The following C1QL1 variants were observed in gnomAD, a reference collection of about 807,000 sequenced individuals.
The protein encoded by C1QL1 is complement C1q like 1.
In C1QL1, 15 loss-of-function variants were observed where a neutral mutation model predicts 14.2. The ratio of observed to expected loss-of-function variants is 1.06; its 90% CI spans 0.71 to 1.62. The LOEUF is 1.62. Ranked by LOEUF, C1QL1 falls within the 40% of genes most tolerant of loss-of-function variation. The probability of loss-of-function intolerance (pLI) is 0.00; values close to 1 mark genes in which losing one functional copy is unlikely to be tolerated. For synonymous variants in C1QL1, 172 were observed against 172.4 expected, an observed-to-expected ratio of 1.00 and a Z score of 0.02; for missense variants, 346 against 380.3, an observed-to-expected ratio of 0.91 and a Z score of 0.75.
Position 44,968,004 on chromosome 17 carries a change from C to CGA in C1QL1, c.43_44dup (p.Gly16ArgfsTer38). On this transcript the variant is annotated frameshift_variant, in exon 1 of 2. Coordinates refer to ENST00000253407, the MANE Select transcript of C1QL1 (RefSeq NM_006688.5). LOFTEE classifies it high-confidence loss of function. Reference sequence around the variant, plus strand: ...TCTCATAGTGGCCTTCCGGGCCGCCCGAGCTCACCAGCACGGGGATGAGCA... The same window carrying CGA: ...TCTCATAGTGGCCTTCCGGGCCGCCCGAGAGCTCACCAGCACGGGGATGAGCA... The CGA allele has an allele frequency of 1.4e-6, 2 of 1,389,204 alleles. No individual in the cohort carries two copies. Among genetic ancestry groups the CGA allele is most frequent in the Non-Finnish European group, 1.9e-6 (2 of 1,067,514 alleles). The allele number at this position is 1,389,204 out of a possible 1,614,324, so 86.1% of individuals were successfully genotyped here. A position where few individuals can be genotyped will look rare whatever the true frequency, so the allele number is the denominator to read the frequency against.
Position 44,967,820 on chromosome 17 carries a change from T to C in C1QL1, c.229A>G (p.Lys77Glu), listed in dbSNP as rs2052666211. Reference protein sequence around the residue: ...GPQGKPGRTGKPGPPGPPGDP... With the variant: ...GPQGKPGRTGEPGPPGPPGDP... ...CCGGGAGGCCCCGGAGGGCCGGGCT[T>C]GCCGGTGCGGCCCGGCTTCCCCTGG... Residue 77 changes from lysine to glutamate, a missense_variant, in exon 1 of 2, where the codon AAG becomes GAG. Transcript: ENST00000253407. The surrounding 1 kb of genome is among the most constrained non-coding windows in gnomAD (Gnocchi z 7.0). The C allele has an allele frequency of 7.1e-7, 1 of 1,400,634 alleles. No homozygotes were observed. The highest frequency in any genetic ancestry group is 2.9e-5 in the East Asian group (1 of 34,416). 86.8% of individuals were successfully genotyped at this position (1,400,634 alleles called of 1,614,324 possible).
chr17:44,960,149 G>A lies in C1QL1; in HGVS notation c.*39C>T. ...GTCTGCCCCGCCCGGAGGGGACCCC[G>A]GCGGGTGAGGGACGTGGGTGGAGGG... On this transcript the variant is annotated 3_prime_UTR_variant, in exon 2 of 2. Transcript: ENST00000253407. The A allele has an allele frequency of 6.3e-7, 1 of 1,595,674 alleles. No homozygotes were observed. The highest frequency in any genetic ancestry group is 1.1e-5 in the South Asian group (1 of 90,172).
Position 44,968,129 on chromosome 17 carries a change from T to A in C1QL1, c.-81A>T, listed in dbSNP as rs2052669164. 1.1e-6 allele frequency: 1 copy of A among 928,910 alleles called. No individual in the cohort carries two copies. Among genetic ancestry groups the A allele is most frequent in the South Asian group, 5.1e-5 (1 of 19,580 alleles). The allele number at this position is 928,910 out of a possible 1,614,324, so 57.5% of individuals were successfully genotyped here. ...AGCGCCGGGCCGCCCGGCCGCGCCG[T>A]CGGGGCAATGGTGCCGGCGGGCAGG... On this transcript the variant is annotated 5_prime_UTR_variant, in exon 1 of 2. Coordinates refer to ENST00000253407, the MANE Select transcript of C1QL1 (RefSeq NM_006688.5).
At chr17:44,961,811 G>A (rs534929163) in intron 1 of C1QL1, among the ~76,000 whole-genome samples, 3 of 150,748 alleles carry the variant, frequency 2.0e-5, no homozygotes, top group South Asian at 4.2e-4. Context: ...GCGTGAACCC[G>A]GGAAGCGGAG....
Position 44,967,654 on chromosome 17 carries a change from A to G in C1QL1, c.395T>C (p.Phe132Ser). 1 of 1,613,630 alleles carries G rather than the reference A, an allele frequency of 6.2e-7. No individual in the cohort carries two copies. The highest frequency in any genetic ancestry group is 8.5e-7 in the Non-Finnish European group (1 of 1,179,860). ...GTGGGGGTTCTTGAGGCCGGCGTAGAAGGCCACGCGCGGCACCGTGGTGTA... is the reference window on the plus strand; with the variant it reads ...GTGGGGGTTCTTGAGGCCGGCGTAGGAGGCCACGCGCGGCACCGTGGTGTA... ...ATYTTVPRVA[F>S]YAGLKNPHEG... The change falls in exon 1 of 2, where the codon TTC becomes TCC. Residue 132 changes from phenylalanine to serine, a missense_variant. Physicochemically the swap from Phe to Ser is radical, Grantham distance 155 (BLOSUM62 -2). Transcript: ENST00000253407. The surrounding 1 kb of genome is among the most constrained non-coding windows in gnomAD (Gnocchi z 7.0).
At chr17:44,966,125 A>G (rs2052656261) in intron 1 of C1QL1, among the ~76,000 whole-genome samples, 1 of 152,236 alleles carries the variant, frequency 6.6e-6, no homozygotes, top group Non-Finnish European at 1.5e-5. Flanking sequence ...AGAGATGGAC[A>G]AGAAACAGCA....
chr17:44,961,061 C>T (rs2052624876), intron 1 of C1QL1, among the ~76,000 whole-genome samples: 1 of 152,236 alleles, frequency 6.6e-6, no homozygotes, highest in African/African-American at 2.4e-5. Flanking sequence ...TCACTACCCA[C>T]CCAAAGAGGA....
intron 1 of C1QL1, among the ~76,000 whole-genome samples, chr17:44,965,172 C>A (rs1301440892): frequency 6.6e-6 from 1 of 152,192 alleles, no homozygotes; most frequent in Non-Finnish European, 1.5e-5. Flanking sequence ...GCCACCACGC[C>A]CAGCTAATTT....
In C1QL1 at chr17:44,960,351, A is replaced by G; in HGVS notation, c.614T>C (p.Ile205Thr). ...CKNGQVRASAIAQDADQNYDY... is the reference protein window; with the variant it reads ...CKNGQVRASATAQDADQNYDY... ...GTAGTTCTGGTCCGCGTCCTGGGCA[A>G]TAGCACTGGCCCGCACCTGCGGGTG... The change falls in exon 2 of 2, where the codon ATT becomes ACT. Residue 205 changes from isoleucine (I) to threonine (T), a missense_variant. Coordinates refer to ENST00000253407, the MANE Select transcript of C1QL1 (RefSeq NM_006688.5). 2 of 1,613,698 alleles carry G rather than the reference A, an allele frequency of 1.2e-6. No individual in the cohort carries two copies. Among genetic ancestry groups the G allele is most frequent in the Non-Finnish European group, 1.7e-6 (2 of 1,179,946 alleles).
intron 1 of C1QL1, among the ~76,000 whole-genome samples, chr17:44,963,005 GGAGACAGTT>G (rs2052636213): frequency 6.6e-6 from 1 of 152,216 alleles, no homozygotes; most frequent in South Asian, 2.1e-4. Flanking sequence ...CTGCCTGACT[GGAGACAGTT>G]GAGGCCTGCA....
rs1363667731 is a variant in C1QL1, at chr17:44,967,429, C to T, written c.597+23G>A. Reference sequence around the variant, plus strand: ...CCTGGGTGCCCTGGGCCCAGCCCAGCCCCATGCCCCCGCCTGGCCCACCTG... The same window carrying T: ...CCTGGGTGCCCTGGGCCCAGCCCAGTCCCATGCCCCCGCCTGGCCCACCTG... On this transcript the variant is annotated intron_variant, in intron 1 of 1. Coordinates refer to ENST00000253407, the MANE Select transcript of C1QL1 (RefSeq NM_006688.5). The surrounding 1 kb of genome is among the most constrained non-coding windows in gnomAD (Gnocchi z 7.0). The T allele has an allele frequency of 1.4e-5, 22 of 1,608,594 alleles. No individual in the cohort carries two copies. Among genetic ancestry groups the T allele is most frequent in the Non-Finnish European group, 1.8e-5 (21 of 1,177,490 alleles).
Position 44,967,985 on chromosome 17 carries a change from A to G in C1QL1, c.64T>C (p.Tyr22His). Residue 22 changes from tyrosine to histidine, a missense_variant, in exon 1 of 2, where the codon TAT (tyrosine) becomes CAT (histidine). Transcript: ENST00000253407. The surrounding 1 kb of genome is among the most constrained non-coding windows in gnomAD (Gnocchi z 7.0). ...LVSSGGPEGH[Y>H]EMLGTCRMVC... Reference sequence around the variant, plus strand: ...ATGCGGCAGGTGCCCAGCATCTCATAGTGGCCTTCCGGGCCGCCCGAGCTC... The same window carrying G: ...ATGCGGCAGGTGCCCAGCATCTCATGGTGGCCTTCCGGGCCGCCCGAGCTC... 7.3e-7 allele frequency: 1 copy of G among 1,379,048 alleles called. No individual in the cohort carries two copies. Among genetic ancestry groups the G allele is most frequent in the Non-Finnish European group, 9.4e-7 (1 of 1,063,274 alleles). The allele number at this position is 1,379,048 out of a possible 1,614,324, so 85.4% of individuals were successfully genotyped here.
chr17:44,961,999 G>C (rs1163177544), intron 1 of C1QL1, among the ~76,000 whole-genome samples: 1 of 152,034 alleles, frequency 6.6e-6, no homozygotes, highest in Non-Finnish European at 1.5e-5. Context: ...CATAAGTCCT[G>C]AGTTTGAGGA....
At chr17:44,964,890 G>C (rs887631389) in intron 1 of C1QL1, among the ~76,000 whole-genome samples, 1 of 151,666 alleles carries the variant, frequency 6.6e-6, no homozygotes, top group South Asian at 2.1e-4. Flanking sequence ...GCCCAGGCTA[G>C]AGTACAGTGG....
chr17:44,967,693 A>G lies in C1QL1; in HGVS notation c.356T>C (p.Ile119Thr). Residue 119 changes from isoleucine (I) to threonine (T), a missense_variant, in exon 1 of 2, where the codon ATC becomes ACC. Coordinates refer to ENST00000253407, the MANE Select transcript of C1QL1 (RefSeq NM_006688.5). The surrounding 1 kb of genome is among the most constrained non-coding windows in gnomAD (Gnocchi z 7.0). ...GLPGAGGSGA[I>T]STATYTTVPR... ...CACCGTGGTGTAGGTGGCAGTGCTG[A>G]TGGCGCCGCTGCCCCCCGCGCCCGG... 1.2e-6 allele frequency: 2 copies of G among 1,612,020 alleles called. No individual in the cohort carries two copies. Among genetic ancestry groups the G allele is most frequent in the African/African-American group, 2.7e-5 (2 of 74,900 alleles).
At chr17:44,960,531 C>T (rs1197227910) in intron 1 of C1QL1, among the ~76,000 whole-genome samples, 164 bp from the exon 2 acceptor site, 1 of 152,180 alleles carries the variant, frequency 6.6e-6, no homozygotes, top group Non-Finnish European at 1.5e-5. Flanking sequence ...TCCAATCATA[C>T]AGGACTTGTT....
Position 44,968,056 on chromosome 17 carries a change from C to G in C1QL1, c.-8G>C. On this transcript the variant is annotated 5_prime_UTR_variant, in exon 1 of 2. Coordinates refer to ENST00000253407, the MANE Select transcript of C1QL1 (RefSeq NM_006688.5). ...CACCAGCACCAGCAGCATCACCACA[C>G]CCGCGGCGGCCGCTAGCAGCGTCTT... The G allele has an allele frequency of 6.1e-6, 8 of 1,307,082 alleles. No individual in the cohort carries two copies. The highest frequency in any genetic ancestry group is 7.8e-6 in the Non-Finnish European group (8 of 1,028,044). The allele number at this position is 1,307,082 out of a possible 1,614,324, so 81.0% of individuals were successfully genotyped here.
rs1000160920 is a variant in C1QL1, at chr17:44,967,748, C to T, written c.301G>A (p.Glu101Lys). 2 of 1,587,868 alleles carry T rather than the reference C, an allele frequency of 1.3e-6. No homozygotes were observed. The highest frequency in any genetic ancestry group is 8.5e-7 in the Non-Finnish European group (1 of 1,170,306). The part of the protein sequence containing the change: ...GPVGPPGEKG[E>K]PGKPGPPGLP... ...CCCGGAGGGCCCGGCTTGCCTGGCT[C>T]ACCCTTCTCCCCCGGCGGCCCCACA... Residue 101 changes from glutamate to lysine, a missense_variant, in exon 1 of 2, where the codon GAG (glutamate) becomes AAG (lysine). Glu to Lys is a moderately conservative substitution (Grantham distance 56). Transcript: ENST00000253407. This position sits in a 1 kb window ranked among gnomAD's most constrained non-coding sequence, Gnocchi z 7.0.
intron 1 of C1QL1, among the ~76,000 whole-genome samples, chr17:44,964,585 G>A (rs1421335555): frequency 3.3e-5 from 5 of 152,136 alleles, no homozygotes; most frequent in South Asian, 2.1e-4. Context: ...CACAGTATTC[G>A]CTGGGGCGTG....
Sources: allele counts gnomAD v4.1 joint callset (sites outside exome capture counted in the v4.1 genomes callset), GRCh38; gene constraint gnomAD v4.1.1; non-coding constraint Gnocchi (gnomAD v3.1); transcripts MANE v1.5; gene names NCBI Gene and HGNC (gene_info 2026-07-23, HGNC 2026-07-21).